SPOCK1: variants seen among roughly 807,000 people sequenced by gnomAD.
SPOCK1 encodes SPARC (osteonectin), cwcv and kazal like domains proteoglycan 1.
A neutral mutation model predicts 55.3 loss-of-function variants in SPOCK1; 23 were observed. The observed-to-expected ratio is 0.42, with a 90% CI of 0.30 to 0.59. SPOCK1 has a LOEUF of 0.59. SPOCK1 is among the 20% of genes least tolerant of loss of function. SPOCK1 has a pLI of 0.22. For synonymous variants in SPOCK1, 226 were observed against 221.0 expected (o/e 1.02, Z -0.20); for missense variants, 499 against 552.5 (o/e 0.90, Z 0.97).
intron 3 of SPOCK1, among the ~76,000 whole-genome samples, chr5:137,241,780 A>G (rs1756288052): frequency 1.3e-5 from 2 of 152,154 alleles, no homozygotes; most frequent in Non-Finnish European, 2.9e-5. Context: ...TCTTCATTAT[A>G]TATTACCCAG....
At chr5:137,367,376 G>C (rs189686127) in intron 2 of SPOCK1, among the ~76,000 whole-genome samples, 21 of 152,326 alleles carry the variant, frequency 1.4e-4, no homozygotes, top group African/African-American at 5.1e-4. Context: ...ACTGTGCACG[G>C]AAGAATATGA....
intron 5 of SPOCK1, among the ~76,000 whole-genome samples, chr5:137,102,569 T>C (rs929419487): frequency 2.0e-5 from 3 of 152,206 alleles, no homozygotes; most frequent in African/African-American, 7.2e-5. Flanking sequence ...TTGAGTCATG[T>C]TTCTGTCATT....
intron 2 of SPOCK1, among the ~76,000 whole-genome samples, chr5:137,381,640 G>A (rs1257349598): frequency 6.6e-6 from 1 of 152,214 alleles, no homozygotes; most frequent in Non-Finnish European, 1.5e-5. Context: ...CTGTACCTTG[G>A]TCCCTTTTAG....
At chr5:137,118,238 T>A (rs181213393) in intron 4 of SPOCK1, among the ~76,000 whole-genome samples, 191 of 152,304 alleles carry the variant, frequency 1.3e-3, no homozygotes, top group South Asian at 7.9e-3. Context: ...AACAAATCTA[T>A]TCACATTCAT....
intron 4 of SPOCK1, among the ~76,000 whole-genome samples, chr5:137,119,676 C>T (rs928683495): frequency 6.6e-6 from 1 of 152,216 alleles, no homozygotes; most frequent in South Asian, 2.1e-4. Flanking sequence ...CTGAGGGTGT[C>T]CCAAGCACTA....
At chr5:137,021,055 C>T (rs1561581851) in intron 6 of SPOCK1, among the ~76,000 whole-genome samples, 2 of 151,968 alleles carry the variant, frequency 1.3e-5, no homozygotes, top group African/African-American at 4.8e-5. Context: ...TAGGTATATG[C>T]CCTGCATAAA....
At chr5:137,411,416 G>A (rs1489972520) in intron 2 of SPOCK1, among the ~76,000 whole-genome samples, 5 of 152,144 alleles carry the variant, frequency 3.3e-5, no homozygotes, top group Non-Finnish European at 7.3e-5. Context: ...TGGAGGGAGA[G>A]GCAGGGCCAA....
intron 6 of SPOCK1, among the ~76,000 whole-genome samples, chr5:137,050,500 C>T (rs1054513520): frequency 2.2e-4 from 33 of 150,856 alleles, no homozygotes; most frequent in Non-Finnish European, 3.0e-4. Flanking sequence ...TGCTTCGGCT[C>T]GCGCACGGTG....
chr5:137,181,849 T>C (rs958240636), intron 3 of SPOCK1, among the ~76,000 whole-genome samples: 4 of 152,238 alleles, frequency 2.6e-5, no homozygotes, highest in African/African-American at 9.6e-5. Flanking sequence ...TAGGATTTGC[T>C]TGATGATTCC....
chr5:137,140,813 C>A, intron 3 of SPOCK1, 119 bp from the exon 4 acceptor site: 1 of 573,844 alleles, frequency 1.7e-6, no homozygotes, highest in Non-Finnish European at 2.7e-6. Flanking sequence ...GACTGGTGTG[C>A]GGTGGCGCGA....
At chr5:137,308,373 C>A (rs1226062317) in intron 2 of SPOCK1, among the ~76,000 whole-genome samples, 1 of 152,198 alleles carries the variant, frequency 6.6e-6, no homozygotes, top group Non-Finnish European at 1.5e-5. Flanking sequence ...CTCCTTTGAC[C>A]TCTGGCTGCA....
At chr5:137,076,590 G>T (rs1372845691) in intron 5 of SPOCK1, among the ~76,000 whole-genome samples, 1 of 128,442 alleles carries the variant, frequency 7.8e-6, no homozygotes. Flanking sequence ...GTAATTTATT[G>T]AATACTGGAC....
At chr5:137,401,775 G>A (rs747897791) in intron 2 of SPOCK1, among the ~76,000 whole-genome samples, 1 of 151,906 alleles carries the variant, frequency 6.6e-6, no homozygotes, top group Non-Finnish European at 1.5e-5. Context: ...GAGGGTCAAA[G>A]AGGTTATATA....
At chr5:137,422,279 A>C (rs185820920) in intron 2 of SPOCK1, among the ~76,000 whole-genome samples, 3 of 152,142 alleles carry the variant, frequency 2.0e-5, no homozygotes, top group South Asian at 2.1e-4. Context: ...TTGCTCTTCT[A>C]GAGGAGTATC....
chr5:137,142,888 A>G (rs1194848390), intron 3 of SPOCK1, among the ~76,000 whole-genome samples: 1 of 152,206 alleles, frequency 6.6e-6, no homozygotes, highest in Non-Finnish European at 1.5e-5. Context: ...AGCTCAGCCA[A>G]CTTTGACTCA....
At chr5:136,998,433 C>T (rs1480787958) in intron 6 of SPOCK1, among the ~76,000 whole-genome samples, 1 of 152,190 alleles carries the variant, frequency 6.6e-6, no homozygotes, top group Admixed American at 6.5e-5. Context: ...ATCACAGACT[C>T]CCAATGTCAA....
At chr5:137,293,073 G>C (rs1258932787) in intron 2 of SPOCK1, among the ~76,000 whole-genome samples, 1 of 137,212 alleles carries the variant, frequency 7.3e-6, no homozygotes, top group Non-Finnish European at 1.6e-5. Flanking sequence ...ATTCAATTCT[G>C]CAGTTGGTTT....
At chr5:137,161,391 C>T (rs1754555163) in intron 3 of SPOCK1, among the ~76,000 whole-genome samples, 1 of 151,966 alleles carries the variant, frequency 6.6e-6, no homozygotes, top group Non-Finnish European at 1.5e-5. Flanking sequence ...CAGGGCATCC[C>T]ATGTTGCCCA....
chr5:137,216,337 T>C (rs1755715265), intron 3 of SPOCK1, among the ~76,000 whole-genome samples: 1 of 152,200 alleles, frequency 6.6e-6, no homozygotes, highest in African/African-American at 2.4e-5. Context: ...CAGACATTTA[T>C]AAAATACTCA....
Sources: gnomAD v4.1 joint callset for allele counts (sites outside exome capture counted in the v4.1 genomes callset) on GRCh38, gnomAD v4.1.1 for gene constraint, MANE v1.5 for transcripts, NCBI Gene and HGNC (gene_info 2026-07-23, HGNC 2026-07-21) for gene names.